Variants in RBMS3 observed in about 807,000 individuals in gnomAD.
RBMS3 encodes the protein RNA-binding motif, single-stranded-interacting protein 3.
A neutral mutation model predicts 66.8 loss-of-function variants in RBMS3; 27 were observed. That is an observed-to-expected ratio of 0.40 (90% CI 0.30 to 0.56). The LOEUF (loss-of-function observed/expected upper bound fraction) is 0.56. RBMS3 is among the 20% of genes least tolerant of loss of function. The probability of loss-of-function intolerance (pLI) is 0.40; values close to 1 mark genes in which losing one functional copy is unlikely to be tolerated. For synonymous variants in RBMS3, 188 were observed against 183.0 expected (o/e 1.03, Z -0.22); for missense variants, 513 against 549.5 (o/e 0.93, Z 0.66).
intron 2 of RBMS3, among the ~76,000 whole-genome samples, chr3:29,473,756 C>T (rs2042843930): frequency 6.6e-6 from 1 of 152,244 alleles, no homozygotes; most frequent in African/African-American, 2.4e-5. Flanking sequence ...TACTAAGCCG[C>T]TCATTGCCCG....
chr3:29,779,901 A>G (rs188705661), intron 6 of RBMS3, among the ~76,000 whole-genome samples: 1 of 151,134 alleles, frequency 6.6e-6, no homozygotes, highest in African/African-American at 2.4e-5. Context: ...TCTTTGAATA[A>G]CTGGTAGACA....
At chr3:29,535,688 T>A (rs1576153823) in intron 3 of RBMS3, among the ~76,000 whole-genome samples, 1 of 137,988 alleles carries the variant, frequency 7.2e-6, no homozygotes, top group African/African-American at 2.6e-5. Flanking sequence ...TAAGTATGAG[T>A]TCAATGATTG....
chr3:29,298,534 A>C (rs1198050586), intron 1 of RBMS3, among the ~76,000 whole-genome samples: 1 of 151,924 alleles, frequency 6.6e-6, no homozygotes, highest in East Asian at 1.9e-4. Flanking sequence ...TTCACTTTCA[A>C]TTATAAAGAT....
In RBMS3 at chr3:29,419,005, G is replaced by A. The variant is rs1485256394; in HGVS notation, c.76-15738G>A. Among the ~76,000 whole-genome samples, 3 of 152,078 alleles carry A rather than the reference G, an allele frequency of 2.0e-5. No homozygotes were observed. The East Asian group carries it at 5.8e-4, about 29-fold the overall frequency. ...TGTGATACTTAAAACTGTCACTCTG[G>A]GTAGTAAAATGTGTTTTCCTTTATT... On this transcript the variant is annotated intron_variant, in intron 1 of 14. Coordinates refer to ENST00000383767, the MANE Select transcript of RBMS3 (RefSeq NM_001003793.3).
intron 1 of RBMS3, among the ~76,000 whole-genome samples, chr3:29,406,247 C>G (rs2040012085): frequency 6.6e-6 from 1 of 151,944 alleles, no homozygotes; most frequent in African/African-American, 2.4e-5. Flanking sequence ...TTGAGACTGA[C>G]CTTAAGATAA....
intron 4 of RBMS3, among the ~76,000 whole-genome samples, chr3:29,663,395 G>A (rs2050632158): frequency 6.6e-6 from 1 of 152,138 alleles, no homozygotes; most frequent in Admixed American, 6.5e-5. Flanking sequence ...TATCAGTAAT[G>A]ACATTTTTGG....
At chr3:29,475,795 G>C (rs886577411) in intron 2 of RBMS3, among the ~76,000 whole-genome samples, 1 of 152,120 alleles carries the variant, frequency 6.6e-6, no homozygotes, top group Admixed American at 6.5e-5. Context: ...GATTGTGAGA[G>C]TACAGAAATC....
intron 11 of RBMS3, among the ~76,000 whole-genome samples, chr3:29,940,463 G>A (rs139585334): frequency 1.6e-4 from 24 of 151,982 alleles, no homozygotes; most frequent in African/African-American, 5.5e-4. Context: ...ATAATCTAGA[G>A]TAGGAAGTGA....
At chr3:29,298,229 AAT>A (rs2033421806) in intron 1 of RBMS3, among the ~76,000 whole-genome samples, 2 of 151,880 alleles carry the variant, frequency 1.3e-5, no homozygotes, top group Non-Finnish European at 2.9e-5. Flanking sequence ...CCTGTACTCG[AAT>A]AATACTCACT....
At chr3:29,567,094 T>G (rs1200302482) in intron 3 of RBMS3, among the ~76,000 whole-genome samples, 3 of 152,150 alleles carry the variant, frequency 2.0e-5, no homozygotes, top group Non-Finnish European at 4.4e-5. Context: ...AATGTCATGA[T>G]GTTAAAGTGA....
intron 3 of RBMS3, among the ~76,000 whole-genome samples, chr3:29,541,279 G>A (rs1001844555): frequency 8.8e-4 from 102 of 116,528 alleles, no homozygotes; most frequent in African/African-American, 3.7e-3. Flanking sequence ...ATTCCACTTA[G>A]GTGACCAATA....
chr3:29,953,873 A>C (rs954796730), intron 12 of RBMS3, among the ~76,000 whole-genome samples: 1 of 151,922 alleles, frequency 6.6e-6, no homozygotes, highest in Non-Finnish European at 1.5e-5. Context: ...TGAGAAGATC[A>C]GTACCACATT....
At chr3:29,553,484 G>C (rs2046243625) in intron 3 of RBMS3, among the ~76,000 whole-genome samples, 1 of 152,084 alleles carries the variant, frequency 6.6e-6, no homozygotes, top group South Asian at 2.1e-4. Context: ...CCCTCACATT[G>C]ATGAGTCCTT....
chr3:29,653,282 C>T (rs191935028), intron 4 of RBMS3, among the ~76,000 whole-genome samples: 9 of 152,088 alleles, frequency 5.9e-5, no homozygotes, highest in African/African-American at 1.7e-4. Context: ...GATTAGTATA[C>T]TTATATTGCA....
intron 13 of RBMS3, among the ~76,000 whole-genome samples, chr3:29,990,813 A>G (rs1393370696): frequency 6.6e-6 from 1 of 152,160 alleles, no homozygotes; most frequent in Non-Finnish European, 1.5e-5. Context: ...ACCTGGTTTA[A>G]AAGTTCCAAG....
chr3:29,992,774 A>T (rs1297893637), intron 14 of RBMS3, among the ~76,000 whole-genome samples: 1 of 152,198 alleles, frequency 6.6e-6, no homozygotes, highest in Non-Finnish European at 1.5e-5. Context: ...CTGAAGGCAG[A>T]TCAAGGAATG....
At chr3:29,852,881 T>C (rs1057281164) in intron 6 of RBMS3, among the ~76,000 whole-genome samples, 6 of 152,148 alleles carry the variant, frequency 3.9e-5, no homozygotes, top group African/African-American at 1.4e-4. Context: ...GCAGCACTAT[T>C]CAAAATAGCA....
At chr3:29,663,406 A>T (rs1484199631) in intron 4 of RBMS3, among the ~76,000 whole-genome samples, 1 of 152,196 alleles carries the variant, frequency 6.6e-6, no homozygotes, top group Admixed American at 6.5e-5. Flanking sequence ...ACATTTTTGG[A>T]CATGTGTGAA....
intron 1 of RBMS3, among the ~76,000 whole-genome samples, chr3:29,394,011 A>G (rs1053837057): frequency 3.9e-5 from 6 of 152,170 alleles, no homozygotes; most frequent in Admixed American, 6.5e-5. Flanking sequence ...CTTAACAGGA[A>G]ACAGGGTTCG....
Sources: gnomAD v4.1 joint callset for allele counts (sites outside exome capture counted in the v4.1 genomes callset) on GRCh38, gnomAD v4.1.1 for gene constraint, MANE v1.5 for transcripts, NCBI Gene and HGNC (gene_info 2026-07-23, HGNC 2026-07-21) for gene names.